The following JCAD variants were observed in gnomAD, a reference collection of about 807,000 sequenced individuals.
The protein encoded by JCAD is junctional cadherin 5-associated protein.
Under a neutral mutation model 98.0 loss-of-function variants are expected in JCAD, and 40 were observed. The observed-to-expected ratio is 0.41, with a 90% CI of 0.32 to 0.53. The LOEUF is 0.53. JCAD is among the 20% of genes least tolerant of loss of function. The pLI, the probability that JCAD is intolerant of heterozygous loss-of-function variation, is 0.31. For synonymous variants in JCAD, 691 were observed against 682.3 expected, an observed-to-expected ratio of 1.01 and a Z score of -0.20; for missense variants, 1,705 against 1,738.1, an observed-to-expected ratio of 0.98 and a Z score of 0.34.
intron 3 of JCAD, among the ~76,000 whole-genome samples, chr10:30,018,168 C>T (rs1236679761): frequency 6.6e-6 from 1 of 152,202 alleles, no homozygotes. Context: ...AATACTTCGG[C>T]GGCTCCTTCC....
intron 1 of JCAD, among the ~76,000 whole-genome samples, chr10:30,110,510 GCTGATGTATGGACTCC>G (rs72082544): frequency 0.24 from 35,603 of 151,014 alleles, 4,769 homozygotes; most frequent in East Asian, 0.33. Context: ...ATATGGACTA[GCTGATGTATGGACTCC>G]CTGATGTATA....
At chr10:30,081,428 A>G (rs571003868) in intron 1 of JCAD, among the ~76,000 whole-genome samples, 27 of 151,954 alleles carry the variant, frequency 1.8e-4, no homozygotes, top group African/African-American at 5.6e-4. Flanking sequence ...TCTGAGCCCA[A>G]TGTTTGTTTT....
intron 1 of JCAD, among the ~76,000 whole-genome samples, chr10:30,111,723 T>G (rs1838705930): frequency 6.6e-6 from 1 of 152,170 alleles, no homozygotes; most frequent in Admixed American, 6.5e-5. Context: ...CTCCGTGTCA[T>G]TAGTCATGAG....
intron 1 of JCAD, among the ~76,000 whole-genome samples, chr10:30,049,740 G>A (rs117392589): frequency 0.015 from 2,322 of 152,210 alleles, 39 homozygotes; most frequent in Middle Eastern, 0.024. Context: ...ACCATGGGAG[G>A]GATTACAGAG....
rs376938935 is a variant in JCAD, at chr10:30,027,369, C to T, written c.2779G>A (p.Ala927Thr). Residue 927 changes from alanine (A) to threonine (T), a missense_variant, in exon 3 of 4, where the codon GCC becomes ACC. Ala to Thr is a moderately conservative substitution (Grantham distance 58, BLOSUM62 0). This residue lies in a region of JCAD where 1,278 missense variants were observed against 1,243.1 expected (regional missense o/e 1.03). Coordinates refer to ENST00000375377, the MANE Select transcript of JCAD (RefSeq NM_020848.4). Reference sequence around the variant, plus strand: ...AAGCGGCCCGGGGATGGAGGCCAGGCACGTGGGTGGCCAGGCTGCAGCTCC... The same window carrying T: ...AAGCGGCCCGGGGATGGAGGCCAGGTACGTGGGTGGCCAGGCTGCAGCTCC... The part of the protein sequence containing the change: ...SEELQPGHPR[A>T]WPPSPGRFRV... The T allele has an allele frequency of 1.9e-6, 3 of 1,609,772 alleles. No homozygotes were observed. The highest frequency in any genetic ancestry group is 2.2e-5 in the South Asian group (2 of 91,076).
At chr10:30,059,600 C>A (rs1437583062), upstream of JCAD, 2 of 138,508 alleles carry the variant, frequency 1.4e-5, no homozygotes, top group African/African-American at 6.8e-5. This position sits in a 1 kb window ranked among gnomAD's most constrained non-coding sequence, Gnocchi z 5.0. Flanking sequence ...GAACCGCCGT[C>A]CGCCCCGCCC....
chr10:30,022,278 G>A (rs1454869232), intron 3 of JCAD, among the ~76,000 whole-genome samples: 1 of 152,030 alleles, frequency 6.6e-6, no homozygotes, highest in Non-Finnish European at 1.5e-5. Context: ...GGTGCGGATA[G>A]ACATGGCATG....
At chr10:30,081,709 G>A (rs578253938) in intron 1 of JCAD, among the ~76,000 whole-genome samples, 6 of 152,168 alleles carry the variant, frequency 3.9e-5, no homozygotes, top group Non-Finnish European at 8.8e-5. Context: ...TGGGATTACA[G>A]GTTTGAGCCA....
rs1306186745 is a variant in JCAD, at chr10:30,111,850, CA to C, written n.128+3516del. On this transcript the variant is annotated intron_variant and non_coding_transcript_variant, in intron 1 of 2. Coordinates refer to the JCAD transcript ENST00000465712. ...ATGTGGAGAAATTGGAACCTTCCTA[CA>C]GTGCTGGTGGGAATGTGAAATAGTG... is the stretch of plus-strand genomic sequence containing the variant. Among the ~76,000 whole-genome samples, 24 of 152,284 alleles carry C rather than the reference CA, an allele frequency of 1.6e-4. No homozygotes were observed. The South Asian group carries it at 4.8e-3, about 30-fold the overall frequency.
At chr10:30,045,079 A>C (rs1007943194) in intron 2 of JCAD, among the ~76,000 whole-genome samples, 78 of 152,314 alleles carry the variant, frequency 5.1e-4, no homozygotes, top group African/African-American at 1.8e-3. Flanking sequence ...AAAGCCACTT[A>C]TCTGAGCCCT....
chr10:30,100,112 A>G (rs1838444417), intron 1 of JCAD, among the ~76,000 whole-genome samples: 1 of 152,116 alleles, frequency 6.6e-6, no homozygotes, highest in African/African-American at 2.4e-5. Flanking sequence ...CCCTTGTCCA[A>G]GTGTGCTGCT....
At chr10:30,051,728 G>C (rs1837475666) in intron 1 of JCAD, among the ~76,000 whole-genome samples, 1 of 152,118 alleles carries the variant, frequency 6.6e-6, no homozygotes, top group African/African-American at 2.4e-5. Context: ...AGAACAGATG[G>C]GGGACCTGTA....
intron 1 of JCAD, among the ~76,000 whole-genome samples, chr10:30,103,138 G>T (rs559774902): frequency 6.6e-6 from 1 of 152,048 alleles, no homozygotes; most frequent in Non-Finnish European, 1.5e-5. Context: ...CAAGATTTTC[G>T]CCTTTTTTAA....
At position 30,028,463 on chromosome 10, in the gene JCAD, T is replaced by C. The variant is rs780101325; in HGVS notation, c.1685A>G (p.Gln562Arg). The C allele has an allele frequency of 5.0e-6, 8 of 1,614,132 alleles. No individual in the cohort carries two copies. The African/African-American group carries it at 9.3e-5, about 19-fold the overall frequency. The stretch of plus-strand genomic sequence containing the variant: ...ACTTTTCTTGGTCCGAGTCCCAGTT[T>C]GGAACTTTTTGAGCTTGGTTTGAGT... The part of the protein sequence containing the change: ...CETQTKLKKF[Q>R]TGTRTKKSSK... The change falls in exon 3 of 4, where the codon CAA becomes CGA. Residue 562 changes from glutamine (Q) to arginine (R), a missense_variant. By Grantham distance (43) the Gln-to-Arg change is conservative. Transcript: ENST00000375377.
chr10:30,085,307 G>A (rs1290283141), intron 1 of JCAD, among the ~76,000 whole-genome samples: 6 of 152,130 alleles, frequency 3.9e-5, no homozygotes, highest in Middle Eastern at 3.4e-3. Context: ...CATTTATCTA[G>A]TATTTCTACA....
intron 1 of JCAD, among the ~76,000 whole-genome samples, chr10:30,054,708 G>T (rs1272971819): frequency 6.7e-6 from 1 of 148,744 alleles, no homozygotes; most frequent in African/African-American, 2.5e-5. Flanking sequence ...TCTCGCTGTC[G>T]CCCAGGCTGG....
intron 1 of JCAD, among the ~76,000 whole-genome samples, chr10:30,048,875 G>T (rs1837411570): frequency 6.6e-6 from 1 of 152,008 alleles, no homozygotes; most frequent in Admixed American, 6.6e-5. Flanking sequence ...GCCTCCTTAT[G>T]AAACTTTTAT....
chr10:30,044,044 TA>T (rs1371059168), intron 2 of JCAD, among the ~76,000 whole-genome samples: 2 of 152,138 alleles, frequency 1.3e-5, no homozygotes, highest in Non-Finnish European at 2.9e-5. Context: ...TTGGTGCCCT[TA>T]TAAAAGGATG....
chr10:30,081,019 C>T (rs1838073465), intron 1 of JCAD, among the ~76,000 whole-genome samples: 1 of 152,214 alleles, frequency 6.6e-6, no homozygotes, highest in African/African-American at 2.4e-5. Flanking sequence ...ACCAGGTGTA[C>T]TTATACCAAA....
Sources: allele counts gnomAD v4.1 joint callset (sites outside exome capture counted in the v4.1 genomes callset), GRCh38; gene constraint gnomAD v4.1.1; regional missense constraint gnomAD v4.1.1; non-coding constraint Gnocchi (gnomAD v3.1); transcripts MANE v1.5; gene names NCBI Gene and HGNC (gene_info 2026-07-23, HGNC 2026-07-21).